Variants in ALK observed in about 807,000 individuals in gnomAD.
ALK encodes ALK receptor tyrosine kinase.
ALK carries 74 observed loss-of-function variants against 163.1 expected under a neutral mutation model. The observed-to-expected ratio is 0.45, with a 90% CI of 0.38 to 0.55. The LOEUF is 0.55. Ranked by LOEUF, ALK falls within the 20% of genes least tolerant of loss-of-function variation. ALK has a pLI of 0.00. For synonymous variants in ALK, 960 were observed against 843.2 expected, an observed-to-expected ratio of 1.14 and a Z score of -2.40; for missense variants, 2,063 against 2,105.3, an observed-to-expected ratio of 0.98 and a Z score of 0.39.
chr2:29,578,022 A>G (rs1025933377), intron 3 of ALK, among the ~76,000 whole-genome samples: 4 of 151,860 alleles, frequency 2.6e-5, no homozygotes, highest in Non-Finnish European at 4.4e-5. Context: ...CTTGATCTAC[A>G]CTAACTGATA....
chr2:29,807,343 T>G (rs923749853), intron 1 of ALK, among the ~76,000 whole-genome samples: 1 of 152,104 alleles, frequency 6.6e-6, no homozygotes, highest in Non-Finnish European at 1.5e-5. Context: ...GCGGTGTGAG[T>G]CTTGTGCTAT....
chr2:29,393,720 G>A (rs187589119), intron 4 of ALK, among the ~76,000 whole-genome samples: 1 of 152,342 alleles, frequency 6.6e-6, no homozygotes, highest in Admixed American at 6.5e-5. Flanking sequence ...AGTGTCCAGA[G>A]TGACCCTTGT....
At chr2:29,288,286 G>A (rs893498230) in intron 9 of ALK, among the ~76,000 whole-genome samples, 4 of 152,144 alleles carry the variant, frequency 2.6e-5, no homozygotes, top group Admixed American at 6.5e-5. Context: ...CTCATTGACC[G>A]GGTTTCTGTC....
chr2:29,914,917 C>T (rs558986876), intron 1 of ALK, among the ~76,000 whole-genome samples: 1 of 152,280 alleles, frequency 6.6e-6, no homozygotes, highest in South Asian at 2.1e-4. Flanking sequence ...GCTATATGAC[C>T]TGGAAAAATA....
chr2:29,574,552 G>A (rs567867280), intron 3 of ALK, among the ~76,000 whole-genome samples: 1 of 152,230 alleles, frequency 6.6e-6, no homozygotes, highest in Non-Finnish European at 1.5e-5. Flanking sequence ...TCATATTTCA[G>A]CTTCCAAACA....
chr2:29,432,014 G>T (rs752685287), intron 4 of ALK, among the ~76,000 whole-genome samples: 5 of 152,042 alleles, frequency 3.3e-5, no homozygotes, highest in Non-Finnish European at 7.4e-5. Flanking sequence ...GCTTGAGGGA[G>T]TGTATCCTAG....
At chr2:29,520,064 A>C (rs1381186826) in intron 4 of ALK, among the ~76,000 whole-genome samples, 1 of 152,204 alleles carries the variant, frequency 6.6e-6, no homozygotes, top group African/African-American at 2.4e-5. Context: ...AAGAACAGGA[A>C]ATATGCAGGA....
At chr2:29,733,073 G>A (rs1679791526) in intron 1 of ALK, among the ~76,000 whole-genome samples, 1 of 152,100 alleles carries the variant, frequency 6.6e-6, no homozygotes, top group Admixed American at 6.6e-5. Context: ...TAGGAAATAA[G>A]TAGAAGGAAA....
intron 4 of ALK, among the ~76,000 whole-genome samples, chr2:29,433,027 C>T (rs900420869): frequency 1.3e-5 from 2 of 152,158 alleles, no homozygotes; most frequent in Admixed American, 6.5e-5. Context: ...TATGATTTCA[C>T]ACAATTAACA....
At chr2:29,480,407 CTG>C (rs753072822) in intron 4 of ALK, among the ~76,000 whole-genome samples, 3 of 152,156 alleles carry the variant, frequency 2.0e-5, no homozygotes, top group Non-Finnish European at 4.4e-5. Context: ...TATTTCATAA[CTG>C]AAAGTAAAAT....
chr2:29,706,222 T>C (rs903559210), intron 2 of ALK, among the ~76,000 whole-genome samples: 1 of 152,272 alleles, frequency 6.6e-6, no homozygotes, highest in Admixed American at 6.5e-5. Context: ...CAAAATAAAC[T>C]CTCTAACTTC....
intron 3 of ALK, among the ~76,000 whole-genome samples, chr2:29,590,134 C>T (rs906502218): frequency 3.9e-5 from 6 of 152,230 alleles, no homozygotes; most frequent in South Asian, 4.1e-4. Context: ...GCCATGGGAA[C>T]GGATATGCAT....
intron 4 of ALK, among the ~76,000 whole-genome samples, chr2:29,463,511 ATGG>A (rs1671135541): frequency 6.6e-6 from 1 of 152,218 alleles, no homozygotes; most frequent in Admixed American, 6.5e-5. Context: ...TCTAGAAAAA[ATGG>A]TGGGTTTCAG....
intron 1 of ALK, among the ~76,000 whole-genome samples, chr2:29,886,667 A>G (rs1480964562): frequency 2.0e-5 from 3 of 152,228 alleles, no homozygotes; most frequent in African/African-American, 4.8e-5. Flanking sequence ...GAGACACTCA[A>G]GTAAGACAGA....
At chr2:29,490,607 A>G (rs1194438564) in intron 4 of ALK, among the ~76,000 whole-genome samples, 4 of 152,158 alleles carry the variant, frequency 2.6e-5, no homozygotes, top group Admixed American at 2.0e-4. Context: ...TTTGAGAACC[A>G]CTGTGTTCGA....
At chr2:29,651,414 T>C (rs1035765800) in intron 3 of ALK, among the ~76,000 whole-genome samples, 8 of 152,218 alleles carry the variant, frequency 5.3e-5, no homozygotes, top group South Asian at 2.1e-4. Context: ...TAGAGGGTCA[T>C]GTCCAAGGTC....
chr2:29,666,235 T>C lies in ALK; in HGVS notation c.952+28615A>G, dbSNP rs551512675. Among the ~76,000 whole-genome samples the C allele has an allele frequency of 4.7e-4, 72 of 152,286 alleles. 2 individuals are homozygous for C. In the South Asian group the frequency reaches 0.014, roughly 30 times the overall value. ...CTTATTGCTCATAATTCCATTATCC[T>C]AGATAGTATTTTATTCCTCTTAATA... On this transcript the variant is annotated intron_variant, in intron 3 of 28. Coordinates refer to ENST00000389048, the MANE Select transcript of ALK (RefSeq NM_004304.5).
intron 11 of ALK, among the ~76,000 whole-genome samples, chr2:29,270,663 T>A (rs1242167065): frequency 6.6e-6 from 1 of 152,186 alleles, no homozygotes; most frequent in Non-Finnish European, 1.5e-5. Context: ...CAGATGCTGA[T>A]GATTTGAGGA....
At chr2:29,294,501 C>G (rs1666125462) in intron 9 of ALK, among the ~76,000 whole-genome samples, 1 of 152,110 alleles carries the variant, frequency 6.6e-6, no homozygotes, top group Non-Finnish European at 1.5e-5. Context: ...GTTAAACAAG[C>G]ACTTTACTTC....
Sources: allele counts gnomAD v4.1 joint callset (sites outside exome capture counted in the v4.1 genomes callset), GRCh38; gene constraint gnomAD v4.1.1; transcripts MANE v1.5; gene names NCBI Gene and HGNC (gene_info 2026-07-23, HGNC 2026-07-21).